CNTN5: variants seen among roughly 807,000 people sequenced by gnomAD.
CNTN5 encodes contactin-5.
A neutral mutation model predicts 129.1 loss-of-function variants in CNTN5; 77 were observed. The observed-to-expected ratio is 0.60, with a 90% CI of 0.50 to 0.72. CNTN5 has a LOEUF of 0.72. Ranked by LOEUF, CNTN5 falls within the 30% of genes least tolerant of loss-of-function variation. The probability of loss-of-function intolerance (pLI) is 0.00; values close to 1 mark genes in which losing one functional copy is unlikely to be tolerated. For synonymous variants in CNTN5, 509 were observed against 465.6 expected, an observed-to-expected ratio of 1.09 and a Z score of -1.20; for missense variants, 1,478 against 1,328.8, an observed-to-expected ratio of 1.11 and a Z score of -1.75.
intron 23 of CNTN5, among the ~76,000 whole-genome samples, chr11:100,347,835 A>G (rs1565443906): frequency 6.6e-6 from 1 of 152,068 alleles, no homozygotes; most frequent in Non-Finnish European, 1.5e-5. Context: ...CAGCAGAGGA[A>G]TAGGCCTTTC....
At chr11:99,280,747 A>T (rs1041892912) in intron 1 of CNTN5, among the ~76,000 whole-genome samples, 4 of 151,882 alleles carry the variant, frequency 2.6e-5, no homozygotes, top group African/African-American at 7.2e-5. Context: ...GTAATAAGCC[A>T]GTTGCAAGTA....
chr11:99,726,010 G>A (rs1396766202), intron 3 of CNTN5, among the ~76,000 whole-genome samples: 1 of 152,118 alleles, frequency 6.6e-6, no homozygotes. Context: ...TACTTATTTG[G>A]CTATTCTGAA....
At chr11:99,792,366 T>G (rs1945775903) in intron 3 of CNTN5, among the ~76,000 whole-genome samples, 1 of 152,108 alleles carries the variant, frequency 6.6e-6, no homozygotes, top group Admixed American at 6.5e-5. Context: ...TGGTTTTTGT[T>G]TTTAGTTCCT....
At chr11:99,070,518 T>C (rs1013294138) in intron 1 of CNTN5, among the ~76,000 whole-genome samples, 1 of 134,956 alleles carries the variant, frequency 7.4e-6, no homozygotes, top group African/African-American at 2.9e-5. Context: ...CATTTCCATA[T>C]GCATGCAGAT....
At chr11:100,330,859 C>T (rs1951891837) in intron 21 of CNTN5, among the ~76,000 whole-genome samples, 2 of 152,086 alleles carry the variant, frequency 1.3e-5, no homozygotes, top group South Asian at 4.1e-4. Context: ...TCAAAACACA[C>T]CAAAATAGAA....
At chr11:100,043,265 G>T (rs1470097042) in intron 9 of CNTN5, among the ~76,000 whole-genome samples, 1 of 152,094 alleles carries the variant, frequency 6.6e-6, no homozygotes, top group Non-Finnish European at 1.5e-5. Flanking sequence ...AAATGCATAT[G>T]GCATATTCAT....
intron 8 of CNTN5, among the ~76,000 whole-genome samples, chr11:99,999,312 A>C (rs1304911828): frequency 1.3e-5 from 2 of 152,164 alleles, no homozygotes; most frequent in East Asian, 3.9e-4. Flanking sequence ...ATTTACAAGA[A>C]AAAAACAAAG....
chr11:99,495,235 G>A (rs1204230791), intron 2 of CNTN5, among the ~76,000 whole-genome samples: 1 of 152,082 alleles, frequency 6.6e-6, no homozygotes, highest in African/African-American at 2.4e-5. Flanking sequence ...AGGTATGGTG[G>A]TGCACACCTG....
chr11:99,050,775 C>T (rs1489885099), intron 1 of CNTN5, among the ~76,000 whole-genome samples: 1 of 151,668 alleles, frequency 6.6e-6, no homozygotes, highest in African/African-American at 2.4e-5. Flanking sequence ...CAAATAAACA[C>T]ATAATTGAAA....
At chr11:99,949,870 T>G (rs547881213) in intron 7 of CNTN5, among the ~76,000 whole-genome samples, 1 of 152,356 alleles carries the variant, frequency 6.6e-6, no homozygotes, top group Admixed American at 6.5e-5. Flanking sequence ...AGTTTAGTAC[T>G]GTTCTTATTA....
intron 1 of CNTN5, among the ~76,000 whole-genome samples, chr11:99,306,181 A>G (rs1446272717): frequency 6.6e-6 from 1 of 152,130 alleles, no homozygotes; most frequent in Non-Finnish European, 1.5e-5. Flanking sequence ...AAGCAAAATG[A>G]TATTAAGCTT....
intron 3 of CNTN5, among the ~76,000 whole-genome samples, chr11:99,791,626 TA>T (rs748514098): frequency 2.0e-5 from 3 of 152,196 alleles, no homozygotes; most frequent in Non-Finnish European, 4.4e-5. Flanking sequence ...TAAGAATTTT[TA>T]AATAGTGTTT....
intron 3 of CNTN5, among the ~76,000 whole-genome samples, chr11:99,789,793 A>G (rs564122256): frequency 6.6e-6 from 1 of 151,996 alleles, no homozygotes; most frequent in African/African-American, 2.4e-5. Context: ...TTTTGTTTAG[A>G]TTCATGGGAT....
At chr11:99,626,788 C>T (rs1336150216) in intron 3 of CNTN5, among the ~76,000 whole-genome samples, 1 of 152,060 alleles carries the variant, frequency 6.6e-6, no homozygotes, top group African/African-American at 2.4e-5. Context: ...ATATTCACAA[C>T]ACAGTGAAAC....
intron 3 of CNTN5, among the ~76,000 whole-genome samples, chr11:99,691,278 G>A (rs867134393): frequency 2.7e-5 from 4 of 150,878 alleles, no homozygotes; most frequent in Admixed American, 1.3e-4. Flanking sequence ...TTTATTTCTT[G>A]TCTTCTGCTA....
chr11:100,235,629 G>C (rs560310459), intron 16 of CNTN5, among the ~76,000 whole-genome samples: 9 of 152,206 alleles, frequency 5.9e-5, no homozygotes, highest in African/African-American at 2.2e-4. Context: ...CTTCCCACTT[G>C]TTCCCAGAGC....
At chr11:99,866,703 A>C (rs2135791958) in intron 6 of CNTN5, among the ~76,000 whole-genome samples, 1 of 152,344 alleles carries the variant, frequency 6.6e-6, no homozygotes, top group South Asian at 2.1e-4. Flanking sequence ...ACTCAGGATT[A>C]CTTATTTGCT....
At chr11:99,403,168 G>T (rs551635217) in intron 2 of CNTN5, among the ~76,000 whole-genome samples, 3 of 151,762 alleles carry the variant, frequency 2.0e-5, no homozygotes, top group Non-Finnish European at 4.4e-5. Flanking sequence ...CACCATGCCT[G>T]GCTAATTTTT....
At chr11:99,342,118 AG>A (rs1337268740) in intron 2 of CNTN5, among the ~76,000 whole-genome samples, 2 of 152,198 alleles carry the variant, frequency 1.3e-5, no homozygotes, top group Non-Finnish European at 2.9e-5. Flanking sequence ...AAATAGTGTT[AG>A]TCTCAGAAAG....
Sources: allele counts gnomAD v4.1 joint callset (sites outside exome capture counted in the v4.1 genomes callset), GRCh38; gene constraint gnomAD v4.1.1; transcripts MANE v1.5; gene names NCBI Gene and HGNC (gene_info 2026-07-23, HGNC 2026-07-21).